Variants in NCKAP5 observed in about 807,000 individuals in gnomAD.
The protein encoded by NCKAP5 is nck-associated protein 5.
A neutral mutation model predicts 167.0 loss-of-function variants in NCKAP5; 92 were observed. That is an observed-to-expected ratio of 0.55 (90% confidence interval 0.47 to 0.66). The LOEUF is 0.66. NCKAP5 is among the 30% of genes least tolerant of loss of function. NCKAP5 has a pLI of 0.00. For missense variants in NCKAP5, 2,378 were observed against 2,315.0 expected (o/e 1.03, Z -0.56); for synonymous variants, 891 against 877.4 (o/e 1.02, Z -0.27).
chr2:133,043,134 T>C (rs2079271037), intron 6 of NCKAP5, among the ~76,000 whole-genome samples: 1 of 152,144 alleles, frequency 6.6e-6, no homozygotes, highest in Admixed American at 6.6e-5. Flanking sequence ...TCCTGTTGGG[T>C]TCAACATTTT....
In NCKAP5 at chr2:132,890,083, A is replaced by G. The variant is rs565720839; in HGVS notation, c.580-11167T>C. ...TTTCAAGCTTGCTGAAACTCCTTCA[A>G]TTCAGGAAAGGCAGACAGGTCAGAA... On this transcript the variant is annotated intron_variant, in intron 8 of 19. Coordinates refer to ENST00000409261, the MANE Select transcript of NCKAP5 (RefSeq NM_207363.3). Among the ~76,000 whole-genome samples the G allele has an allele frequency of 6.5e-4, 99 of 152,344 alleles. 1 individual carries two copies. The highest frequency in any genetic ancestry group is 9.0e-4 in the Non-Finnish European group (61 of 68,030).
the NCKAP5 span, among the ~76,000 whole-genome samples, chr2:133,674,252 A>C: frequency 6.6e-6 from 1 of 152,196 alleles, no homozygotes; most frequent in Non-Finnish European, 1.5e-5. Context: ...AAGAAAAAAA[A>C]AAACACGATT....
At chr2:133,032,091 G>A (rs575681448) in intron 6 of NCKAP5, among the ~76,000 whole-genome samples, 1 of 152,144 alleles carries the variant, frequency 6.6e-6, no homozygotes, top group Non-Finnish European at 1.5e-5. Flanking sequence ...AAAGCAGAAG[G>A]AAAAGTAAAA....
rs776268737 is a variant in NCKAP5, at chr2:132,783,452, G to A, written c.3359C>T (p.Ser1120Leu). The stretch of plus-strand genomic sequence containing the variant: ...ATGGCTTTTGGCGGGTGATGAGGAT[G>A]ATGAGGAACTGCTGACCTGAGATGA... ...SPSSQVSSSS[S>L]SSSPAKSHNS... Residue 1120 changes from serine (S) to leucine (L), a missense_variant, in exon 14 of 20, where the codon TCA becomes TTA. Transcript: ENST00000409261. The A allele has an allele frequency of 8.2e-6, 13 of 1,588,110 alleles. No individual in the cohort carries two copies. Among genetic ancestry groups the A allele is most frequent in the Admixed American group, 5.2e-5 (3 of 57,696 alleles).
intron 3 of NCKAP5, among the ~76,000 whole-genome samples, chr2:133,407,617 C>A (rs910422441): frequency 3.3e-5 from 5 of 152,210 alleles, no homozygotes; most frequent in Non-Finnish European, 7.3e-5. Context: ...GAATGAGCAT[C>A]CCTCAGGCTC....
At chr2:133,602,282 T>C in the NCKAP5 span, among the ~76,000 whole-genome samples, 2 of 152,262 alleles carry the variant, frequency 1.3e-5, no homozygotes, top group Admixed American at 1.3e-4. Flanking sequence ...GAGCTTGACC[T>C]GAGCCTCGGA....
chr2:133,014,760 T>G (rs144255266), intron 6 of NCKAP5, among the ~76,000 whole-genome samples: 1 of 152,308 alleles, frequency 6.6e-6, no homozygotes, highest in East Asian at 1.9e-4. Flanking sequence ...CTTTGGCAAA[T>G]GGCGGTTTTA....
chr2:132,748,836 T>C (rs1375517337), intron 16 of NCKAP5, among the ~76,000 whole-genome samples: 22 of 151,872 alleles, frequency 1.4e-4, no homozygotes, highest in Admixed American at 1.4e-3. Context: ...CAGGCTGGAG[T>C]GCAATGGCGT....
intron 11 of NCKAP5, among the ~76,000 whole-genome samples, chr2:132,853,766 A>T (rs1368888361): frequency 1.3e-5 from 2 of 152,210 alleles, no homozygotes; most frequent in Non-Finnish European, 2.9e-5. Context: ...CTATGTCTGC[A>T]GTCTCACTGG....
rs564833618 is a variant in NCKAP5 at position 133,224,870 on chromosome 2, A to G, written c.144-11091T>C. Among the ~76,000 whole-genome samples, 13 of 152,334 alleles carry G rather than the reference A, an allele frequency of 8.5e-5. No homozygotes were observed. In the South Asian group the frequency reaches 2.3e-3, roughly 27 times the overall value. ...GTGTAAAGTCAAACACTTCAAAAAA[A>G]AGCTTTCCTTGAGATATATACTTCT... On this transcript the variant is annotated intron_variant, in intron 4 of 19. Transcript: ENST00000409261.
At chr2:133,231,508 T>G (rs1247934482) in intron 4 of NCKAP5, among the ~76,000 whole-genome samples, 1 of 152,198 alleles carries the variant, frequency 6.6e-6, no homozygotes, top group Admixed American at 6.5e-5. Context: ...AATCAGGATC[T>G]AGGCTTATCT....
At chr2:133,285,943 A>G (rs1679087216) in intron 4 of NCKAP5, among the ~76,000 whole-genome samples, 2 of 152,186 alleles carry the variant, frequency 1.3e-5, no homozygotes, top group African/African-American at 4.8e-5. Context: ...ATCTTCTAAT[A>G]AAAGGTCAGG....
chr2:133,460,849 G>C (rs1011626977), intron 3 of NCKAP5, among the ~76,000 whole-genome samples: 7 of 152,014 alleles, frequency 4.6e-5, no homozygotes, highest in Admixed American at 2.0e-4. Flanking sequence ...ACAACATTAT[G>C]ATAAAAATTT....
chr2:133,096,891 A>C (rs1472698315), intron 6 of NCKAP5, among the ~76,000 whole-genome samples: 3 of 152,204 alleles, frequency 2.0e-5, no homozygotes, highest in Non-Finnish European at 4.4e-5. Context: ...TAATATTTAG[A>C]ACATGCTTAT....
intron 4 of NCKAP5, among the ~76,000 whole-genome samples, chr2:133,218,084 C>T (rs13392395): frequency 0.04 from 5,990 of 151,412 alleles, 434 homozygotes; most frequent in African/African-American, 0.14. Flanking sequence ...ACTGAGGATC[C>T]CAAAGAGATT....
At chr2:133,164,578 G>T (rs1231647878) in intron 5 of NCKAP5, among the ~76,000 whole-genome samples, 1 of 152,188 alleles carries the variant, frequency 6.6e-6, no homozygotes, top group African/African-American at 2.4e-5. Flanking sequence ...AGGTTTTAAA[G>T]ATTGTTTGAT....
intron 8 of NCKAP5, among the ~76,000 whole-genome samples, chr2:132,883,848 T>C (rs1189118642): frequency 6.6e-6 from 1 of 152,254 alleles, no homozygotes; most frequent in Non-Finnish European, 1.5e-5. Context: ...CCTGGTGATA[T>C]GAATGTCTTC....
At chr2:132,811,339 C>T (rs1225102787) in intron 11 of NCKAP5, among the ~76,000 whole-genome samples, 2 of 152,256 alleles carry the variant, frequency 1.3e-5, no homozygotes, top group East Asian at 3.9e-4. Context: ...CCCAGGATTA[C>T]ATGCCCTTTG....
At chr2:133,046,559 T>C (rs910285305) in intron 6 of NCKAP5, among the ~76,000 whole-genome samples, 4 of 152,024 alleles carry the variant, frequency 2.6e-5, no homozygotes, top group Non-Finnish European at 4.4e-5. Flanking sequence ...TTTAATTTTT[T>C]ATAGAGACAG....
Sources: gnomAD v4.1 joint callset for allele counts (sites outside exome capture counted in the v4.1 genomes callset) on GRCh38, gnomAD v4.1.1 for gene constraint, MANE v1.5 for transcripts, NCBI Gene and HGNC (gene_info 2026-07-23, HGNC 2026-07-21) for gene names.